Variants in PTPRD observed in about 807,000 individuals in gnomAD.
The protein encoded by PTPRD is protein tyrosine phosphatase receptor type D, also known as receptor-type tyrosine-protein phosphatase delta.
Under a neutral mutation model 214.5 loss-of-function variants are expected in PTPRD, and 34 were observed. The ratio of observed to expected loss-of-function variants is 0.16; its 90% CI spans 0.12 to 0.21. The LOEUF (loss-of-function observed/expected upper bound fraction) is 0.21. Among genes scored for constraint, PTPRD ranks in the 10% least tolerant of loss-of-function variants. The probability of loss-of-function intolerance (pLI) is 1.00; values close to 1 mark genes in which losing one functional copy is unlikely to be tolerated. For missense variants in PTPRD, 2,545 were observed against 2,398.7 expected (o/e 1.06, Z -1.27); for synonymous variants, 1,128 against 845.7 (o/e 1.33, Z -5.79).
At chr9:8,862,415 AAAG>A (rs2098123428) in intron 11 of PTPRD, among the ~76,000 whole-genome samples, 1 of 152,198 alleles carries the variant, frequency 6.6e-6, no homozygotes, top group African/African-American at 2.4e-5. Flanking sequence ...GTAAAGAAGA[AAAG>A]AAGATATTAA....
At chr9:8,879,697 G>A (rs944648210) in intron 11 of PTPRD, among the ~76,000 whole-genome samples, 11 of 152,230 alleles carry the variant, frequency 7.2e-5, no homozygotes, top group South Asian at 2.1e-4. Flanking sequence ...GGATCTTAGC[G>A]TTCCTGCTAA....
At chr9:9,976,467 A>T (rs1344939871) in intron 4 of PTPRD, among the ~76,000 whole-genome samples, 3 of 151,498 alleles carry the variant, frequency 2.0e-5, no homozygotes, top group Non-Finnish European at 4.4e-5. Context: ...GCTCACTGCA[A>T]CCTTTGCCTC....
At chr9:10,412,071 A>G (rs2098441268) in intron 2 of PTPRD, among the ~76,000 whole-genome samples, 1 of 151,788 alleles carries the variant, frequency 6.6e-6, no homozygotes, top group Non-Finnish European at 1.5e-5. Context: ...TTCATGATAA[A>G]TTCTATTCAT....
At chr9:9,323,509 T>C (rs1476803261) in intron 9 of PTPRD, among the ~76,000 whole-genome samples, 3 of 152,176 alleles carry the variant, frequency 2.0e-5, no homozygotes, top group Non-Finnish European at 4.4e-5. Context: ...GCTTCCATTT[T>C]TAATAGTCTA....
chr9:9,191,478 T>G (rs887550190), intron 9 of PTPRD, among the ~76,000 whole-genome samples: 1 of 152,098 alleles, frequency 6.6e-6, no homozygotes, highest in African/African-American at 2.4e-5. Context: ...CTACAGAAAC[T>G]GTGAGCTAAG....
intron 27 of PTPRD, among the ~76,000 whole-genome samples, chr9:8,490,734 A>G (rs1563779396): frequency 6.6e-6 from 1 of 152,184 alleles, no homozygotes; most frequent in Non-Finnish European, 1.5e-5. Context: ...TTGAGGTTAT[A>G]TGAATCTTAC....
intron 10 of PTPRD, among the ~76,000 whole-genome samples, chr9:9,140,439 C>CTAAAGAAGGA (rs2099858232): frequency 2.0e-5 from 3 of 152,134 alleles, no homozygotes; most frequent in Admixed American, 1.3e-4. Flanking sequence ...ACAGATATAA[C>CTAAAGAAGGA]CTTTGAAAAA....
At chr9:8,735,718 T>C (rs979552248) in intron 11 of PTPRD, among the ~76,000 whole-genome samples, 3 of 151,984 alleles carry the variant, frequency 2.0e-5, no homozygotes, top group African/African-American at 4.8e-5. Flanking sequence ...AAGACCAGCC[T>C]GGCCAACATG....
At chr9:10,195,934 T>C (rs963420956) in intron 3 of PTPRD, among the ~76,000 whole-genome samples, 1 of 152,178 alleles carries the variant, frequency 6.6e-6, no homozygotes, top group African/African-American at 2.4e-5. Context: ...CCATTTGTAC[T>C]ACTTTGTTGA....
At chr9:10,361,360 T>A (rs1014459148) in intron 2 of PTPRD, among the ~76,000 whole-genome samples, 1 of 152,128 alleles carries the variant, frequency 6.6e-6, no homozygotes, top group Non-Finnish European at 1.5e-5. Flanking sequence ...CGAAATAGTT[T>A]GATGTCACAG....
At chr9:9,928,755 T>TCTACACACACACACAC (rs1555348332) in intron 5 of PTPRD, among the ~76,000 whole-genome samples, 1 of 109,624 alleles carries the variant, frequency 9.1e-6, no homozygotes, top group African/African-American at 3.7e-5. Context: ...TCTCTCTCTC[T>TCTACACACACACACAC]ATACACACAC....
intron 3 of PTPRD, among the ~76,000 whole-genome samples, chr9:10,308,251 G>A (rs1014799743): frequency 6.6e-6 from 1 of 151,994 alleles, no homozygotes; most frequent in East Asian, 1.9e-4. Context: ...TATAGTGAGA[G>A]ATAGCATCTG....
Position 10,491,337 on chromosome 9 carries a change from C to T in PTPRD, c.-600+121061G>A, listed in dbSNP as rs73392301. ...AATACATGTTTCTAATAATTTTAGACTCTAATGTCTAATAATTTTAGATTC... is the reference window on the plus strand; with the variant it reads ...AATACATGTTTCTAATAATTTTAGATTCTAATGTCTAATAATTTTAGATTC... On this transcript the variant is annotated intron_variant, in intron 2 of 45. Transcript: ENST00000381196. Among the ~76,000 whole-genome samples, 903 of 152,110 alleles carry T rather than the reference C, an allele frequency of 5.9e-3. 6 individuals are homozygous for T. The highest frequency in any genetic ancestry group is 0.021 in the African/African-American group (870 of 41,496).
At chr9:8,554,472 A>T (rs1007802279) in intron 14 of PTPRD, among the ~76,000 whole-genome samples, 65 of 152,306 alleles carry the variant, frequency 4.3e-4, no homozygotes, top group African/African-American at 1.5e-3. Flanking sequence ...CAAGGAACTT[A>T]AACTTGGAGT....
At chr9:8,585,597 GC>G (rs903819806) in intron 14 of PTPRD, among the ~76,000 whole-genome samples, 2 of 152,288 alleles carry the variant, frequency 1.3e-5, no homozygotes, top group African/African-American at 4.8e-5. Flanking sequence ...ACCATACATT[GC>G]AAAGTAGTCC....
At chr9:9,506,113 C>T (rs551370582) in intron 8 of PTPRD, among the ~76,000 whole-genome samples, 34 of 151,550 alleles carry the variant, frequency 2.2e-4, no homozygotes, top group African/African-American at 8.2e-4. Flanking sequence ...TAAAAATATT[C>T]TTGTTAAATT....
At chr9:9,810,244 C>T (rs939522738) in intron 5 of PTPRD, among the ~76,000 whole-genome samples, 1 of 150,424 alleles carries the variant, frequency 6.6e-6, no homozygotes, top group African/African-American at 2.5e-5. Flanking sequence ...ATAGACTATA[C>T]AAAATATGTG....
intron 39 of PTPRD, among the ~76,000 whole-genome samples, chr9:8,356,179 A>C (rs1334603223): frequency 6.6e-6 from 1 of 152,184 alleles, no homozygotes; most frequent in African/African-American, 2.4e-5. Flanking sequence ...TCTTGTAATA[A>C]AACTCAGATG....
intron 9 of PTPRD, among the ~76,000 whole-genome samples, chr9:9,221,711 G>T (rs1569564324): frequency 6.6e-6 from 1 of 151,946 alleles, no homozygotes; most frequent in Non-Finnish European, 1.5e-5. Context: ...CAGTTACATT[G>T]GGTGTTGGGG....
Sources: gnomAD v4.1 joint callset for allele counts (sites outside exome capture counted in the v4.1 genomes callset) on GRCh38, gnomAD v4.1.1 for gene constraint, MANE v1.5 for transcripts, NCBI Gene and HGNC (gene_info 2026-07-23, HGNC 2026-07-21) for gene names.